Variants in CDH12 observed in about 807,000 individuals in gnomAD.
CDH12 encodes the protein cadherin-12.
A neutral mutation model predicts 74.1 loss-of-function variants in CDH12; 41 were observed. The ratio of observed to expected loss-of-function variants is 0.55; its 90% CI spans 0.43 to 0.72. CDH12 has a LOEUF of 0.72. CDH12 is among the 30% of genes least tolerant of loss of function. CDH12 has a pLI of 0.00. For synonymous variants in CDH12, 399 were observed against 355.0 expected, an observed-to-expected ratio of 1.12 and a Z score of -1.39; for missense variants, 945 against 977.2, an observed-to-expected ratio of 0.97 and a Z score of 0.44.
intron 5 of CDH12, among the ~76,000 whole-genome samples, chr5:22,028,448 G>T (rs1450563790): frequency 6.6e-6 from 1 of 152,126 alleles, no homozygotes; most frequent in African/African-American, 2.4e-5. Flanking sequence ...AAAATCACAA[G>T]CATTCTTATA....
chr5:21,976,506 A>G (rs1757078644), intron 5 of CDH12, among the ~76,000 whole-genome samples: 1 of 150,360 alleles, frequency 6.7e-6, no homozygotes, highest in Non-Finnish European at 1.5e-5. Context: ...CTAGTAGTAT[A>G]TATTTGTATA....
At chr5:21,759,257 C>CA (rs1744577549) in intron 13 of CDH12, among the ~76,000 whole-genome samples, 1 of 148,984 alleles carries the variant, frequency 6.7e-6, no homozygotes, top group Non-Finnish European at 1.5e-5. Flanking sequence ...TGTTAAGTGG[C>CA]TTTTTTTTTA....
chr5:21,751,609 A>AAAGTGT lies in CDH12; in HGVS notation c.*127_*128insACACTT, dbSNP rs1554025828. On this transcript the variant is annotated 3_prime_UTR_variant, in exon 15 of 15. Transcript: ENST00000382254. ...GGTAATCAAAGGAATCTTGTCCCAGAGTGTGTGTGTGTGTGTGTGTGTTTG... is the reference window on the plus strand; with the variant it reads ...GGTAATCAAAGGAATCTTGTCCCAGAAAGTGTGTGTGTGTGTGTGTGTGTGTGTTTG... 3.1e-5 allele frequency: 17 copies of AAAGTGT among 556,128 alleles called. No homozygotes were observed. In the African/African-American group the frequency reaches 4.3e-4, roughly 14 times the overall value. 34.4% of individuals were successfully genotyped at this position (556,128 alleles called of 1,614,324 possible). A position where few individuals can be genotyped will look rare whatever the true frequency, so the allele number is the denominator to read the frequency against.
chr5:22,396,220 G>A (rs1351488314), intron 3 of CDH12, among the ~76,000 whole-genome samples: 1 of 151,990 alleles, frequency 6.6e-6, no homozygotes, highest in African/African-American at 2.4e-5. Context: ...TTTCTGTTCA[G>A]TGTTTCTAGT....
intron 8 of CDH12, among the ~76,000 whole-genome samples, chr5:21,839,500 T>A (rs1002791257): frequency 6.6e-6 from 1 of 152,186 alleles, no homozygotes; most frequent in Non-Finnish European, 1.5e-5. Context: ...CATTAAAGTG[T>A]AATTATTTCT....
intron 4 of CDH12, among the ~76,000 whole-genome samples, chr5:22,181,343 T>C (rs1256532050): frequency 2.0e-5 from 3 of 152,142 alleles, no homozygotes; most frequent in Non-Finnish European, 4.4e-5. Flanking sequence ...CTTTATCACA[T>C]AGAAGTCCCC....
intron 1 of CDH12, among the ~76,000 whole-genome samples, chr5:22,567,867 A>G (rs969890284): frequency 1.3e-5 from 2 of 152,124 alleles, no homozygotes; most frequent in African/African-American, 4.8e-5. Flanking sequence ...TTCTTAACAC[A>G]CCTGTCCATA....
At chr5:22,084,931 C>T (rs1211604501) in intron 4 of CDH12, among the ~76,000 whole-genome samples, 2 of 152,126 alleles carry the variant, frequency 1.3e-5, no homozygotes, top group South Asian at 4.1e-4. Context: ...AAAGCAAGAA[C>T]AGAAAGCTTA....
At chr5:22,824,505 G>C (rs546615388) in intron 1 of CDH12, among the ~76,000 whole-genome samples, 1 of 152,182 alleles carries the variant, frequency 6.6e-6, no homozygotes, top group South Asian at 2.1e-4. Context: ...ATGATCAGTA[G>C]TGAGGTTGTC....
intron 3 of CDH12, among the ~76,000 whole-genome samples, chr5:22,215,598 A>G (rs1751776349): frequency 6.6e-6 from 1 of 152,144 alleles, no homozygotes; most frequent in Non-Finnish European, 1.5e-5. Context: ...CTTTTTTAAA[A>G]CAAGAAAATA....
chr5:22,517,039 T>G (rs958461777), intron 1 of CDH12, among the ~76,000 whole-genome samples: 3 of 152,004 alleles, frequency 2.0e-5, no homozygotes, highest in African/African-American at 7.2e-5. Flanking sequence ...TTTTTAAAAT[T>G]TTTTAAAAAA....
chr5:21,884,358 G>T, intron 6 of CDH12: 1 of 986,126 alleles, frequency 1.0e-6, no homozygotes, highest in Non-Finnish European at 1.6e-6. Flanking sequence ...GTGACAGGAA[G>T]CCCAAGGCAG....
At chr5:22,698,786 A>C in intron 1 of CDH12, among the ~76,000 whole-genome samples, 1 of 139,752 alleles carries the variant, frequency 7.2e-6, no homozygotes, top group Non-Finnish European at 1.5e-5. Flanking sequence ...GAAAGAGAAG[A>C]TAATTTGACA....
At chr5:22,456,581 A>G (rs1745284697) in intron 2 of CDH12, among the ~76,000 whole-genome samples, 1 of 152,058 alleles carries the variant, frequency 6.6e-6, no homozygotes, top group Non-Finnish European at 1.5e-5. Context: ...CAATCAAACT[A>G]TTGATTTGTA....
intron 5 of CDH12, among the ~76,000 whole-genome samples, chr5:22,020,680 C>T (rs1290470839): frequency 1.3e-5 from 2 of 152,056 alleles, no homozygotes; most frequent in Non-Finnish European, 2.9e-5. Flanking sequence ...TGAGCCTGCA[C>T]ATGGAGAGAG....
At chr5:22,782,634 A>G (rs1460933726) in intron 1 of CDH12, among the ~76,000 whole-genome samples, 1 of 152,262 alleles carries the variant, frequency 6.6e-6, no homozygotes, top group Admixed American at 6.5e-5. Context: ...TTGATCCTTG[A>G]GATTCTTATC....
intron 5 of CDH12, among the ~76,000 whole-genome samples, chr5:22,003,490 G>C (rs1309209848): frequency 6.6e-6 from 1 of 152,190 alleles, no homozygotes; most frequent in African/African-American, 2.4e-5. Context: ...GAAAGCCAAA[G>C]AGACAATTTC....
intron 4 of CDH12, among the ~76,000 whole-genome samples, chr5:22,125,593 C>T (rs1745809704): frequency 6.6e-6 from 1 of 152,076 alleles, no homozygotes; most frequent in African/African-American, 2.4e-5. Flanking sequence ...TTAGTTAGTT[C>T]CAGCTGAGTC....
intron 4 of CDH12, among the ~76,000 whole-genome samples, chr5:22,109,034 G>A (rs1165827620): frequency 1.3e-5 from 2 of 152,012 alleles, no homozygotes; most frequent in East Asian, 3.9e-4. Context: ...GACAAATACT[G>A]GATAAGAAGA....
Sources: gnomAD v4.1 joint callset for allele counts (sites outside exome capture counted in the v4.1 genomes callset) on GRCh38, gnomAD v4.1.1 for gene constraint, MANE v1.5 for transcripts, NCBI Gene and HGNC (gene_info 2026-07-23, HGNC 2026-07-21) for gene names.